KYAT1: variants seen among roughly 807,000 people sequenced by gnomAD.
KYAT1 encodes the protein kynurenine--oxoglutarate transaminase 1.
In KYAT1, 47 loss-of-function variants were observed where a neutral mutation model predicts 52.4. The ratio of observed to expected loss-of-function variants is 0.90; its 90% confidence interval spans 0.71 to 1.14. KYAT1 has a LOEUF of 1.14. Ranked by LOEUF, KYAT1 falls within the 50% of genes most tolerant of loss-of-function variation. KYAT1 has a pLI of 0.00. For missense variants in KYAT1, 480 were observed against 557.9 expected (o/e 0.86, Z 1.41); for synonymous variants, 212 against 209.6 (o/e 1.01, Z -0.10).
intron 1 of KYAT1, among the ~76,000 whole-genome samples, chr9:128,861,549 C>T (rs73669981): frequency 0.11 from 16,843 of 152,210 alleles, 1,690 homozygotes; most frequent in African/African-American, 0.27. Flanking sequence ...AATGGGCTAA[C>T]ACACAAGGCG....
In KYAT1 at chr9:128,835,764, C is replaced by G. The variant is rs770551888; in HGVS notation, c.855+15G>C. Reference sequence around the variant, plus strand: ...TTGTCCCCCCACTCCCCCGTGACGTCCTGCCCCTCTTCACCTGGCTCTGCG... The same window carrying G: ...TTGTCCCCCCACTCCCCCGTGACGTGCTGCCCCTCTTCACCTGGCTCTGCG... On this transcript the variant is annotated intron_variant, in intron 9 of 12. Transcript: ENST00000302586. 1.6e-5 allele frequency: 25 copies of G among 1,609,984 alleles called. No homozygotes were observed. The South Asian group carries it at 2.5e-4, about 16-fold the overall frequency.
At chr9:128,880,887 T>C (rs1838760083) in intron 1 of KYAT1, among the ~76,000 whole-genome samples, 3 of 152,192 alleles carry the variant, frequency 2.0e-5, no homozygotes, top group Admixed American at 2.0e-4. Context: ...CTTCATCATC[T>C]TATTTTTAAT....
At chr9:128,871,796 G>T (rs1361268536) in intron 1 of KYAT1, among the ~76,000 whole-genome samples, 2 of 152,100 alleles carry the variant, frequency 1.3e-5, no homozygotes, top group Non-Finnish European at 2.9e-5. Flanking sequence ...TACATATTCA[G>T]GTAGTCTTTA....
chr9:128,859,137 C>T (rs565270658), intron 1 of KYAT1, among the ~76,000 whole-genome samples: 1 of 151,954 alleles, frequency 6.6e-6, no homozygotes, highest in South Asian at 2.1e-4. Context: ...CCAAGGCAGG[C>T]GGATCACGAG....
chr9:128,877,435 ATTTACTCTAT>A (rs1838208587), intron 1 of KYAT1, among the ~76,000 whole-genome samples: 1 of 152,140 alleles, frequency 6.6e-6, no homozygotes, highest in African/African-American at 2.4e-5. Context: ...GGATGGTATT[ATTTACTCTAT>A]TTTGCTCAAA....
At chr9:128,855,319 A>C (rs1408772716) in intron 1 of KYAT1, among the ~76,000 whole-genome samples, 1 of 152,206 alleles carries the variant, frequency 6.6e-6, no homozygotes, top group Non-Finnish European at 1.5e-5. Flanking sequence ...ATAGAAGGCT[A>C]GAATCACCCT....
intron 3 of KYAT1, 66 bp downstream of exon 3, chr9:128,842,588 C>A: frequency 6.5e-7 from 1 of 1,527,536 alleles, no homozygotes; most frequent in Non-Finnish European, 9.0e-7. Flanking sequence ...GCTGTGTGGG[C>A]TTGAAGTCCA....
intron 3 of KYAT1, chr9:128,842,194 A>T (rs1229969410): frequency 4.5e-6 from 1 of 224,560 alleles, no homozygotes; most frequent in Non-Finnish European, 9.3e-6. Context: ...CCTTGTCTCA[A>T]AAAAGAAAAA....
rs1831203667 is a variant in KYAT1 at position 128,836,786 on chromosome 9, G to C, written c.688+16C>G. 6.2e-7 allele frequency: 1 copy of C among 1,611,068 alleles called. No individual in the cohort carries two copies. Among genetic ancestry groups the C allele is most frequent in the African/African-American group, 1.3e-5 (1 of 74,854 alleles). ...ACCAATGTGCAGGGGAGGGGCCCCA[G>C]GCTGGCTTGGCTCACCAATGCTGAT... On this transcript the variant is annotated intron_variant, in intron 7 of 12. Coordinates refer to ENST00000302586, the MANE Select transcript of KYAT1 (RefSeq NM_004059.5).
At chr9:128,835,092 G>A (rs912384477) in intron 11 of KYAT1, 21 of 521,548 alleles carry the variant, frequency 4.0e-5, no homozygotes, top group Admixed American at 9.6e-5. Context: ...AGCCAAGATC[G>A]CGCCACTGCA....
intron 1 of KYAT1, among the ~76,000 whole-genome samples, chr9:128,849,911 G>A (rs1833714517): frequency 7.0e-6 from 1 of 143,358 alleles, no homozygotes; most frequent in African/African-American, 2.6e-5. Flanking sequence ...TTGAGATAGG[G>A]TCTCACGTTG....
intron 1 of KYAT1, among the ~76,000 whole-genome samples, chr9:128,856,937 T>C (rs1279238997): frequency 1.3e-5 from 2 of 152,120 alleles, no homozygotes. Flanking sequence ...GAAGTTGAAA[T>C]AGAGGAAGGC....
At position 128,833,644 on chromosome 9, in the gene KYAT1, C is replaced by CTGCGCCAGCACAGAT; in HGVS notation, c.1210-16_1210-2dup. On this transcript the variant is annotated splice_acceptor_variant, in intron 12 of 12. Transcript: ENST00000302586. LOFTEE classifies it high-confidence loss of function. Reference sequence around the variant, plus strand: ...CCATGGCCTGGAGCGTGGCTTCATCCTGCGCCAGCACAGATTAGTCCTACA... The same window carrying CTGCGCCAGCACAGAT: ...CCATGGCCTGGAGCGTGGCTTCATCCTGCGCCAGCACAGATTGCGCCAGCACAGATTAGTCCTACA... 1.2e-6 allele frequency: 2 copies of CTGCGCCAGCACAGAT among 1,614,240 alleles called. No homozygotes were observed. Among genetic ancestry groups the CTGCGCCAGCACAGAT allele is most frequent in the Non-Finnish European group, 1.7e-6 (2 of 1,180,046 alleles).
At chr9:128,833,924 G>A (rs776915564) in intron 11 of KYAT1, 98 bp from the exon 12 acceptor site, 4 of 897,208 alleles carry the variant, frequency 4.5e-6, no homozygotes, top group Non-Finnish European at 7.1e-6. Context: ...GGCGGGGAAG[G>A]AGAGTTAGCT....
intron 1 of KYAT1, chr9:128,860,560 G>C (rs1220814572): frequency 6.8e-6 from 1 of 148,104 alleles, no homozygotes; most frequent in Non-Finnish European, 1.5e-5. Context: ...TTTTCAGTTT[G>C]TTCAGCCTTT....
At chr9:128,854,651 G>GT (rs1447448801) in intron 1 of KYAT1, among the ~76,000 whole-genome samples, 3 of 152,212 alleles carry the variant, frequency 2.0e-5, no homozygotes, top group African/African-American at 7.2e-5. Context: ...ATCAATGGTG[G>GT]TAAGTCTCAC....
At chr9:128,835,062 G>T (rs558084396) in intron 11 of KYAT1, 5 of 461,124 alleles carry the variant, frequency 1.1e-5, no homozygotes, top group Admixed American at 1.1e-4. Flanking sequence ...GCGTGAACCT[G>T]GGGGGCAGAG....
intron 1 of KYAT1, among the ~76,000 whole-genome samples, chr9:128,853,466 G>T (rs1294253509): frequency 3.3e-5 from 5 of 152,186 alleles, no homozygotes; most frequent in Non-Finnish European, 7.3e-5. Flanking sequence ...GTTTTAATCA[G>T]CCTATTAACA....
intron 1 of KYAT1, chr9:128,859,806 AC>A (rs1588123124): frequency 1.3e-5 from 2 of 151,764 alleles, no homozygotes; most frequent in East Asian, 3.9e-4. Flanking sequence ...CCGCCATCAC[AC>A]CCAGCTAATT....
Sources: allele counts gnomAD v4.1 joint callset (sites outside exome capture counted in the v4.1 genomes callset), GRCh38; gene constraint gnomAD v4.1.1; transcripts MANE v1.5; gene names NCBI Gene and HGNC (gene_info 2026-07-23, HGNC 2026-07-21).